Variants in MCPH1 observed in about 807,000 individuals in gnomAD.
MCPH1 encodes the protein microcephalin 1, also known as microcephalin.
A neutral mutation model predicts 84.5 loss-of-function variants in MCPH1; 104 were observed. The ratio of observed to expected loss-of-function variants is 1.23; its 90% CI spans 1.05 to 1.45. The LOEUF is 1.45. Among genes scored for constraint, MCPH1 ranks in the 40% most tolerant of loss-of-function variants. The probability of loss-of-function intolerance (pLI) is 0.00; values close to 1 mark genes in which losing one functional copy is unlikely to be tolerated. For missense variants in MCPH1, 1,498 were observed against 1,005.7 expected, an observed-to-expected ratio of 1.49 and a Z score of -6.62; for synonymous variants, 514 against 366.8, an observed-to-expected ratio of 1.40 and a Z score of -4.58.
At chr8:6,540,954 G>T (rs938383042) in intron 12 of MCPH1, among the ~76,000 whole-genome samples, 1 of 152,244 alleles carries the variant, frequency 6.6e-6, no homozygotes, top group African/African-American at 2.4e-5. Flanking sequence ...GCAAGAATGG[G>T]GACTGCTGTC....
intron 13 of MCPH1, among the ~76,000 whole-genome samples, chr8:6,635,798 T>A (rs541167557): frequency 7.9e-5 from 12 of 152,222 alleles, no homozygotes; most frequent in African/African-American, 2.9e-4. Context: ...TCACCTAAAA[T>A]GTAAAATGCC....
intron 13 of MCPH1, among the ~76,000 whole-genome samples, chr8:6,639,142 A>C (rs570654537): frequency 7.9e-5 from 12 of 152,286 alleles, no homozygotes; most frequent in Admixed American, 7.8e-4. Context: ...CGTGGATGGA[A>C]GGATACATGC....
At position 6,644,207 on chromosome 8, in the gene MCPH1, A is replaced by G. The variant is rs138232587; in HGVS notation, c.*1158A>G. The G allele has an allele frequency of 6.6e-6, 1 of 152,178 alleles. No individual in the cohort carries two copies. Among genetic ancestry groups the G allele is most frequent in the African/African-American group, 2.4e-5 (1 of 41,418 alleles). 9.4% of individuals were successfully genotyped at this position (152,178 alleles called of 1,614,324 possible). A position where few individuals can be genotyped will look rare whatever the true frequency, so the allele number is the denominator to read the frequency against. Reference sequence around the variant, plus strand: ...AGAGGTTGCAGTGAGCCAAGGTTGCAGTGAATCAAGATTGCTCCACTGCAC... The same window carrying G: ...AGAGGTTGCAGTGAGCCAAGGTTGCGGTGAATCAAGATTGCTCCACTGCAC... On this transcript the variant is annotated 3_prime_UTR_variant, in exon 14 of 14. Coordinates refer to ENST00000344683, the MANE Select transcript of MCPH1 (RefSeq NM_024596.5).
chr8:6,557,062 CACTT>C (rs1824741275), intron 12 of MCPH1, among the ~76,000 whole-genome samples: 1 of 152,192 alleles, frequency 6.6e-6, no homozygotes, highest in African/African-American at 2.4e-5. Context: ...GGTGTTCACT[CACTT>C]ACGCTAATGA....
At chr8:6,527,872 C>T (rs1322211297) in intron 12 of MCPH1, among the ~76,000 whole-genome samples, 2 of 148,376 alleles carry the variant, frequency 1.3e-5, no homozygotes, top group African/African-American at 2.5e-5. Flanking sequence ...GTGTGTTAAA[C>T]CTTTTTACTC....
intron 11 of MCPH1, among the ~76,000 whole-genome samples, chr8:6,486,463 T>A (rs1809942375): frequency 6.6e-6 from 1 of 152,140 alleles, no homozygotes; most frequent in Non-Finnish European, 1.5e-5. Context: ...TCTCTGGAAA[T>A]TTCTTGTAAA....
rs1328893344 is a variant in MCPH1, at chr8:6,500,091, G to T, written c.2214+162G>T. ...TAACACCTTTTATCAATTTATTCGC[G>T]AGAACAAATGTGAGAACGTGAGACC... On this transcript the variant is annotated intron_variant, in intron 12 of 13. Coordinates refer to ENST00000344683, the MANE Select transcript of MCPH1 (RefSeq NM_024596.5). 3 of 664,634 alleles carry T rather than the reference G, an allele frequency of 4.5e-6. No individual in the cohort carries two copies. In the African/African-American group the frequency reaches 5.4e-5, roughly 12 times the overall value. 41.2% of individuals were successfully genotyped at this position (664,634 alleles called of 1,614,324 possible).
chr8:6,480,378 C>T (rs1586022436), intron 10 of MCPH1, among the ~76,000 whole-genome samples: 1 of 151,998 alleles, frequency 6.6e-6, no homozygotes, highest in African/African-American at 2.4e-5. Context: ...CTCGGCCTCC[C>T]AAAGTGCCGG....
At chr8:6,419,113 A>G (rs1306388296) in intron 3 of MCPH1, among the ~76,000 whole-genome samples, 1 of 149,652 alleles carries the variant, frequency 6.7e-6, no homozygotes, top group Admixed American at 6.7e-5. Flanking sequence ...CAACCCTTTT[A>G]TATTTATATA....
intron 4 of MCPH1, among the ~76,000 whole-genome samples, chr8:6,435,309 C>G (rs887926174): frequency 1.3e-5 from 2 of 152,082 alleles, no homozygotes; most frequent in African/African-American, 4.8e-5. Flanking sequence ...CACATAGAGT[C>G]CAAGATCATG....
chr8:6,559,007 C>A (rs1034423770), intron 12 of MCPH1, among the ~76,000 whole-genome samples: 5 of 152,122 alleles, frequency 3.3e-5, no homozygotes, highest in African/African-American at 7.2e-5. Flanking sequence ...TTACTGCATT[C>A]CTTACTATAT....
At chr8:6,622,265 G>A (rs909143448) in intron 13 of MCPH1, 4 of 167,358 alleles carry the variant, frequency 2.4e-5, no homozygotes, top group Admixed American at 1.6e-4. Flanking sequence ...CGCCGTGTGC[G>A]ATTCTGGGGA....
At chr8:6,591,630 G>A (rs1009040226) in intron 12 of MCPH1, among the ~76,000 whole-genome samples, 2 of 152,162 alleles carry the variant, frequency 1.3e-5, no homozygotes, top group South Asian at 2.1e-4. Flanking sequence ...GTGAGGTACC[G>A]TATTCCAGGA....
chr8:6,409,922 G>C (rs1159175626), intron 2 of MCPH1, among the ~76,000 whole-genome samples: 1 of 152,112 alleles, frequency 6.6e-6, no homozygotes, highest in African/African-American at 2.4e-5. Flanking sequence ...GACAGAGGGA[G>C]AGAAGAATGC....
intron 12 of MCPH1, chr8:6,620,854 C>A (rs919807687): frequency 8.2e-5 from 13 of 159,298 alleles, no homozygotes; most frequent in Non-Finnish European, 1.4e-4. Flanking sequence ...CCCAACAGCT[C>A]ATTGAAACAA....
intron 12 of MCPH1, among the ~76,000 whole-genome samples, chr8:6,525,337 C>A (rs1383441189): frequency 2.6e-5 from 4 of 152,130 alleles, no homozygotes; most frequent in African/African-American, 9.7e-5. Context: ...TCAAGCGATC[C>A]ACCTGCCTCA....
chr8:6,451,871 C>T (rs1054380786), intron 8 of MCPH1, among the ~76,000 whole-genome samples: 2 of 152,146 alleles, frequency 1.3e-5, no homozygotes, highest in African/African-American at 4.8e-5. Flanking sequence ...CCTTCAGAAG[C>T]CTTTTCAACC....
In MCPH1 at chr8:6,572,757, A is replaced by C. The variant is rs190842060; in HGVS notation, c.2215-48697A>C. Among the ~76,000 whole-genome samples the C allele has an allele frequency of 3.9e-4, 60 of 152,300 alleles. No homozygotes were observed. The East Asian group carries it at 9.4e-3, about 24-fold the overall frequency. On this transcript the variant is annotated intron_variant, in intron 12 of 13. Coordinates refer to ENST00000344683, the MANE Select transcript of MCPH1 (RefSeq NM_024596.5). Reference sequence around the variant, plus strand: ...CCAATTTAGAGACCCAGTCCTGTTCACCCCAAGCTTACAGTCTAACGAGGT... The same window carrying C: ...CCAATTTAGAGACCCAGTCCTGTTCCCCCCAAGCTTACAGTCTAACGAGGT...
At chr8:6,435,123 G>C (rs188603648) in intron 4 of MCPH1, among the ~76,000 whole-genome samples, 67 of 152,252 alleles carry the variant, frequency 4.4e-4, no homozygotes, top group African/African-American at 1.6e-3. Context: ...TACAGTTTTT[G>C]GGTTTTACTG....
Sources: gnomAD v4.1 joint callset for allele counts (sites outside exome capture counted in the v4.1 genomes callset) on GRCh38, gnomAD v4.1.1 for gene constraint, MANE v1.5 for transcripts, NCBI Gene and HGNC (gene_info 2026-07-23, HGNC 2026-07-21) for gene names.